LANCL2: variants seen among roughly 807,000 people sequenced by gnomAD.
The protein encoded by LANCL2 is LanC like glutathione S-transferase 2.
A neutral mutation model predicts 56.9 loss-of-function variants in LANCL2; 33 were observed. That is an observed-to-expected ratio of 0.58 (90% CI 0.44 to 0.78). The LOEUF is 0.78. Among genes scored for constraint, LANCL2 ranks in the 30% least tolerant of loss-of-function variants. The pLI is 0.00. For missense variants in LANCL2, 562 were observed against 580.2 expected (o/e 0.97, Z 0.32); for synonymous variants, 233 against 228.2 (o/e 1.02, Z -0.19).
At chr7:55,416,656 T>G (rs989457813) in intron 6 of LANCL2, among the ~76,000 whole-genome samples, 1 of 152,168 alleles carries the variant, frequency 6.6e-6, no homozygotes, top group Non-Finnish European at 1.5e-5. Flanking sequence ...GAAAGAATTC[T>G]TTATATGTTC....
Position 55,431,175 on chromosome 7 carries a change from T to C in LANCL2, c.1259-51T>C, listed in dbSNP as rs375173086. On this transcript the variant is annotated intron_variant, in intron 8 of 8. Coordinates refer to ENST00000254770, the MANE Select transcript of LANCL2 (RefSeq NM_018697.4). ...GGGAAATGATTAAAAGTCACTGTTA[T>C]AGACACTACCCTTATGCCATTCCTA... The C allele has an allele frequency of 9.7e-5, 134 of 1,374,436 alleles. 1 individual carries two copies. The highest frequency in any genetic ancestry group is 5.4e-4 in the South Asian group (43 of 79,282). 85.1% of individuals were successfully genotyped at this position (1,374,436 alleles called of 1,614,324 possible). A position where few individuals can be genotyped will look rare whatever the true frequency, so the allele number is the denominator to read the frequency against.
chr7:55,425,113 G>GT (rs1790650382), intron 6 of LANCL2, 141 bp from the exon 7 acceptor site: 1 of 751,020 alleles, frequency 1.3e-6, no homozygotes, highest in African/African-American at 1.8e-5. Flanking sequence ...GTGTTTTTTT[G>GT]TTTGTTTGTC....
In LANCL2 at chr7:55,365,986, A is replaced by G; in HGVS notation, c.-40A>G. On this transcript the variant is annotated 5_prime_UTR_variant, in exon 1 of 9. Transcript: ENST00000254770. Reference sequence around the variant, plus strand: ...GCGGGGCGAGCTGCAGCGCCGGGACAGGAGGTTTGTCCCCGCCCGCGCGCC... The same window carrying G: ...GCGGGGCGAGCTGCAGCGCCGGGACGGGAGGTTTGTCCCCGCCCGCGCGCC... 7.3e-7 allele frequency: 1 copy of G among 1,370,264 alleles called. No homozygotes were observed. The highest frequency in any genetic ancestry group is 9.6e-7 in the Non-Finnish European group (1 of 1,046,822). 84.9% of individuals were successfully genotyped at this position (1,370,264 alleles called of 1,614,324 possible). A position where few individuals can be genotyped will look rare whatever the true frequency, so the allele number is the denominator to read the frequency against.
In LANCL2 at chr7:55,391,870, A is replaced by G. The variant is rs2049497; in HGVS notation, c.282A>G (p.Thr94=). The G allele has an allele frequency of 0.35, 567,721 of 1,607,706 alleles. 104,385 individuals carry two copies. The highest frequency in any genetic ancestry group is 0.58 in the Admixed American group (34,543 of 59,970). ...AGCAAATGGAAGAAGGGCTGAAGAC[A>G]GCTGATCCCCATGACTGCTCTGCTT... ...LLQQMEEGLK[T]ADPHDCSAYT... is the part of the protein sequence containing the mutation. Residue 94 remains threonine, a synonymous_variant, in exon 2 of 9, where the codon ACA becomes ACG. Coordinates refer to ENST00000254770, the MANE Select transcript of LANCL2 (RefSeq NM_018697.4).
intron 6 of LANCL2, among the ~76,000 whole-genome samples, chr7:55,416,988 T>TTTGTTTC (rs1562868557): frequency 7.1e-6 from 1 of 140,222 alleles, no homozygotes; most frequent in South Asian, 2.4e-4. Context: ...TTTTTTTTTT[T>TTTGTTTC]TTTTTTTTGG....
At chr7:55,388,217 C>T (rs6962742) in intron 1 of LANCL2, among the ~76,000 whole-genome samples, 45,884 of 151,948 alleles carry the variant, frequency 0.3, 7,382 homozygotes, top group Non-Finnish European at 0.36. Context: ...TTTTAAGGCT[C>T]GACCCCTGGA....
intron 1 of LANCL2, among the ~76,000 whole-genome samples, chr7:55,370,186 G>A (rs1789927378): frequency 6.6e-6 from 1 of 152,184 alleles, no homozygotes; most frequent in Admixed American, 6.5e-5. Flanking sequence ...GGAGGCTTCA[G>A]TGTCTAACCA....
intron 6 of LANCL2, 66 bp downstream of exon 6, chr7:55,412,155 G>A (rs1790478785): frequency 6.7e-7 from 1 of 1,494,576 alleles, no homozygotes; most frequent in Admixed American, 2.0e-5. Flanking sequence ...CAGGTTTTGG[G>A]TCTTGCTTTG....
At chr7:55,380,397 A>G (rs1180326927) in intron 1 of LANCL2, among the ~76,000 whole-genome samples, 1 of 145,072 alleles carries the variant, frequency 6.9e-6, no homozygotes, top group African/African-American at 2.7e-5. Context: ...CAACAAAAGA[A>G]GGTACATATA....
intron 6 of LANCL2, among the ~76,000 whole-genome samples, chr7:55,416,755 T>G (rs1343644033): frequency 6.6e-6 from 1 of 152,170 alleles, no homozygotes; most frequent in African/African-American, 2.4e-5. Flanking sequence ...TGGTATCTTT[T>G]GACTAATAGA....
Position 55,419,129 on chromosome 7 carries a change from G to A in LANCL2, c.1009-6125G>A, listed in dbSNP as rs189226156. ...CAGGTATCAGGATTATGCTGGTCAC[G>A]TACATGAGTTGGAAAGTGTTTTCTC... On this transcript the variant is annotated intron_variant, in intron 6 of 8. Coordinates refer to ENST00000254770, the MANE Select transcript of LANCL2 (RefSeq NM_018697.4). Among the ~76,000 whole-genome samples the A allele has an allele frequency of 5.9e-3, 893 of 151,978 alleles. 5 individuals are homozygous for A. Among genetic ancestry groups the A allele is most frequent in the Middle Eastern group, 0.031 (9 of 294 alleles).
chr7:55,365,999 C>A lies in LANCL2; in HGVS notation c.-27C>A, dbSNP rs1476772954. On this transcript the variant is annotated 5_prime_UTR_variant, in exon 1 of 9. Transcript: ENST00000254770. ...CAGCGCCGGGACAGGAGGTTTGTCC[C>A]CGCCCGCGCGCCGTACCGCGGCGGA... 1 of 1,413,712 alleles carries A rather than the reference C, an allele frequency of 7.1e-7. No individual in the cohort carries two copies. Among genetic ancestry groups the A allele is most frequent in the Non-Finnish European group, 9.3e-7 (1 of 1,077,302 alleles). The allele number at this position is 1,413,712 out of a possible 1,614,324, so 87.6% of individuals were successfully genotyped here. A position where few individuals can be genotyped will look rare whatever the true frequency, so the allele number is the denominator to read the frequency against.
At position 55,428,405 on chromosome 7, in the gene LANCL2, C is replaced by T; in HGVS notation, c.1216C>T (p.His406Tyr). The change falls in exon 8 of 9, where the codon CAC (histidine) becomes TAC (tyrosine). Residue 406 changes from histidine to tyrosine, a missense_variant. By Grantham distance (83) the His-to-Tyr change is moderately conservative. This residue lies in a region of LANCL2 where 378 missense variants were observed against 468.4 expected (regional missense o/e 0.81). Coordinates refer to ENST00000254770, the MANE Select transcript of LANCL2 (RefSeq NM_018697.4). ...AGAGTGGTGTCTAGATTACGGAGCA[C>T]ACGGGTGCCGCATTCCTGACAGACC... is the stretch of plus-strand genomic sequence containing the variant. ...FAEWCLDYGAHGCRIPDRPYS... is the reference protein window; with the variant it reads ...FAEWCLDYGAYGCRIPDRPYS... 3.1e-6 allele frequency: 5 copies of T among 1,614,198 alleles called. No homozygotes were observed. The highest frequency in any genetic ancestry group is 4.2e-6 in the Non-Finnish European group (5 of 1,180,012).
At position 55,374,274 on chromosome 7, in the gene LANCL2, CA is replaced by C. The variant is rs879610446; in HGVS notation, c.204+8049del. Among the ~76,000 whole-genome samples, 137 of 152,248 alleles carry C rather than the reference CA, an allele frequency of 9.0e-4. 4 individuals are homozygous for C. The highest frequency in any genetic ancestry group is 7.5e-3 in the Admixed American group (115 of 15,294). ...GCAGATGAATTTTTATGATACACAT[CA>C]AAATTGGATTGAGGTGTGTGTGCTT... On this transcript the variant is annotated intron_variant, in intron 1 of 8. Coordinates refer to ENST00000254770, the MANE Select transcript of LANCL2 (RefSeq NM_018697.4).
intron 2 of LANCL2, among the ~76,000 whole-genome samples, chr7:55,397,765 G>T (rs2128993392): frequency 6.9e-6 from 1 of 145,770 alleles, no homozygotes; most frequent in South Asian, 2.1e-4. Flanking sequence ...GAGATTCTCA[G>T]ATTCATTTGA....
At chr7:55,408,798 G>A (rs185291668) in intron 5 of LANCL2, among the ~76,000 whole-genome samples, 48 of 152,036 alleles carry the variant, frequency 3.2e-4, no homozygotes, top group Middle Eastern at 6.8e-3. Flanking sequence ...AAGATAAAGG[G>A]ATAAAGAGAC....
rs1186634559 is a variant in LANCL2, at chr7:55,365,858, G to T, written c.-168G>T. On this transcript the variant is annotated 5_prime_UTR_variant, in exon 1 of 9. Transcript: ENST00000254770. Reference sequence around the variant, plus strand: ...CGGCCGCCTGATGTGCGAGCAGCCCGCGACGAGGCAGTGCACGCTCAGACG... The same window carrying T: ...CGGCCGCCTGATGTGCGAGCAGCCCTCGACGAGGCAGTGCACGCTCAGACG... 6.2e-6 allele frequency: 3 copies of T among 481,466 alleles called. No homozygotes were observed. Among genetic ancestry groups the T allele is most frequent in the African/African-American group, 2.0e-5 (1 of 49,198 alleles). 29.8% of individuals were successfully genotyped at this position (481,466 alleles called of 1,614,324 possible). A position where few individuals can be genotyped will look rare whatever the true frequency, so the allele number is the denominator to read the frequency against.
At chr7:55,372,616 C>T (rs537754786) in intron 1 of LANCL2, among the ~76,000 whole-genome samples, 86 of 152,208 alleles carry the variant, frequency 5.7e-4, no homozygotes, top group African/African-American at 2.0e-3. Context: ...TACCTAGGTA[C>T]ACATAGTTAC....
At chr7:55,406,526 T>C (rs1790409332) in intron 5 of LANCL2, among the ~76,000 whole-genome samples, 1 of 152,174 alleles carries the variant, frequency 6.6e-6, no homozygotes, top group South Asian at 2.1e-4. Flanking sequence ...TCTTAGCCTG[T>C]CATGACTGGG....
Sources: allele counts gnomAD v4.1 joint callset (sites outside exome capture counted in the v4.1 genomes callset), GRCh38; gene constraint gnomAD v4.1.1; regional missense constraint gnomAD v4.1.1; transcripts MANE v1.5; gene names NCBI Gene and HGNC (gene_info 2026-07-23, HGNC 2026-07-21).